The following CDK17 variants were observed in gnomAD, a reference collection of about 807,000 sequenced individuals.
The protein encoded by CDK17 is cyclin dependent kinase 17.
A neutral mutation model predicts 77.6 loss-of-function variants in CDK17; 24 were observed. That is an observed-to-expected ratio of 0.31 (90% CI 0.22 to 0.44). The LOEUF is 0.44. Ranked by LOEUF, CDK17 falls within the 20% of genes least tolerant of loss-of-function variation. The pLI is 1.00. For missense variants in CDK17, 429 were observed against 622.5 expected (o/e 0.69, Z 3.31); for synonymous variants, 203 against 210.4 (o/e 0.96, Z 0.30).
At chr12:96,295,423 T>TAAA (rs35300996) in intron 9 of CDK17, 59 of 158,458 alleles carry the variant, frequency 3.7e-4, no homozygotes, top group African/African-American at 9.0e-4. Context: ...GAAAATGACT[T>TAAA]AAAAAAAAAA....
intron 2 of CDK17, among the ~76,000 whole-genome samples, chr12:96,329,993 T>C (rs1453085227): frequency 6.6e-6 from 1 of 152,212 alleles, no homozygotes; most frequent in Non-Finnish European, 1.5e-5. Context: ...GTTAGGTTTA[T>C]CTGACTACAC....
intron 10 of CDK17, among the ~76,000 whole-genome samples, chr12:96,291,231 G>T (rs1361745174): frequency 6.6e-6 from 1 of 151,884 alleles, no homozygotes; most frequent in Non-Finnish European, 1.5e-5. Context: ...GGCTTGCATT[G>T]TAGAGGTTGG....
intron 8 of CDK17, 131 bp downstream of exon 8, chr12:96,297,496 T>TG: frequency 1.3e-6 from 1 of 773,752 alleles, no homozygotes; most frequent in East Asian, 2.5e-5. Context: ...TAAAGTCTCT[T>TG]GGGCTGTTAA....
chr12:96,300,677 G>A (rs1228897096), intron 5 of CDK17, among the ~76,000 whole-genome samples: 6 of 152,180 alleles, frequency 3.9e-5, no homozygotes, highest in African/African-American at 9.6e-5. Context: ...GATTACAGGC[G>A]TAAGCCACCG....
intron 5 of CDK17, among the ~76,000 whole-genome samples, chr12:96,300,945 CTAAGATACCACAGGCATTT>C (rs1952491120): frequency 6.6e-6 from 1 of 152,092 alleles, no homozygotes; most frequent in South Asian, 2.1e-4. Flanking sequence ...TGGTTTTATT[CTAAGATACCACAGGCATTT>C]TAAGATACTA....
chr12:96,336,100 G>T (rs983350061), intron 1 of CDK17, among the ~76,000 whole-genome samples: 1 of 151,384 alleles, frequency 6.6e-6, no homozygotes, highest in Non-Finnish European at 1.5e-5. Flanking sequence ...CTTAAAAGCT[G>T]GGGGGGGAGG....
At chr12:96,286,632 C>CA (rs764087664) in intron 12 of CDK17, 32 bp downstream of exon 12, 1 of 1,512,342 alleles carries the variant, frequency 6.6e-7, no homozygotes, top group Non-Finnish European at 9.2e-7. Flanking sequence ...ATTATGGGTG[C>CA]AAAATCACTG....
chr12:96,322,160 C>T (rs1436925205), intron 3 of CDK17, among the ~76,000 whole-genome samples: 3 of 152,078 alleles, frequency 2.0e-5, no homozygotes, highest in Non-Finnish European at 4.4e-5. Context: ...TCAAGACAAA[C>T]GTGAAACAAT....
At chr12:96,309,433 A>G (rs1952619058) in intron 5 of CDK17, among the ~76,000 whole-genome samples, 1 of 152,254 alleles carries the variant, frequency 6.6e-6, no homozygotes, top group Non-Finnish European at 1.5e-5. Flanking sequence ...ACAGGACTAT[A>G]GTCATCCAAA....
At chr12:96,300,701 A>G (rs1952487848) in intron 5 of CDK17, among the ~76,000 whole-genome samples, 1 of 152,174 alleles carries the variant, frequency 6.6e-6, no homozygotes. Flanking sequence ...CCAGCCTTGT[A>G]TATATTCTTA....
intron 1 of CDK17, among the ~76,000 whole-genome samples, chr12:96,368,974 T>A (rs1953645044): frequency 6.6e-6 from 1 of 152,132 alleles, no homozygotes; most frequent in South Asian, 2.1e-4. Context: ...ATTATTCCAA[T>A]TTTACTACAA....
rs375471037 is a variant in CDK17, at chr12:96,382,980, A to C, written c.-30+17006T>G. 1.6e-4 allele frequency among the ~76,000 whole-genome samples: 24 copies of C among 152,308 alleles called. 1 individual carries two copies. The East Asian group carries it at 2.3e-3, about 15-fold the overall frequency. On this transcript the variant is annotated intron_variant, in intron 1 of 16. Transcript: ENST00000261211. ...GAATAGAGAAAGAAGACATCAAATTATCTCTCTGCAGATACAATTATGTAT... is the reference window on the plus strand; with the variant it reads ...GAATAGAGAAAGAAGACATCAAATTCTCTCTCTGCAGATACAATTATGTAT...
At chr12:96,383,162 T>C (rs989945327) in intron 1 of CDK17, among the ~76,000 whole-genome samples, 3 of 152,086 alleles carry the variant, frequency 2.0e-5, no homozygotes, top group African/African-American at 7.2e-5. Flanking sequence ...TTATTTACAA[T>C]AGCCCCCCAA....
chr12:96,324,639 C>A (rs1286914780), intron 2 of CDK17, among the ~76,000 whole-genome samples: 1 of 151,970 alleles, frequency 6.6e-6, no homozygotes, highest in Non-Finnish European at 1.5e-5. Flanking sequence ...TGGTGGCATG[C>A]GCCTGTAGTC....
chr12:96,391,606 A>G (rs1954070169), intron 1 of CDK17, among the ~76,000 whole-genome samples: 1 of 152,174 alleles, frequency 6.6e-6, no homozygotes, highest in East Asian at 1.9e-4. Context: ...TTTTCGGTTA[A>G]ACCAAATTTT....
At chr12:96,301,161 C>G (rs1952494692) in intron 5 of CDK17, among the ~76,000 whole-genome samples, 1 of 146,696 alleles carries the variant, frequency 6.8e-6, no homozygotes, top group Non-Finnish European at 1.5e-5. Flanking sequence ...AAATCATGCT[C>G]TTCTATGGAT....
chr12:96,283,692 TAA>T (rs1341338190), intron 13 of CDK17, 47 bp from the exon 14 acceptor site: 8 of 1,270,804 alleles, frequency 6.3e-6, no homozygotes, highest in Non-Finnish European at 9.0e-6. Context: ...TCTTAGCTGA[TAA>T]AACTTTTCAG....
chr12:96,302,425 T>C (rs1472583673), intron 5 of CDK17, among the ~76,000 whole-genome samples: 2 of 152,138 alleles, frequency 1.3e-5, no homozygotes, highest in Non-Finnish European at 2.9e-5. Context: ...TTCTGATACT[T>C]ATCTCTGGAA....
chr12:96,353,702 G>A (rs1046994234), intron 1 of CDK17, among the ~76,000 whole-genome samples: 1 of 151,796 alleles, frequency 6.6e-6, no homozygotes, highest in African/African-American at 2.4e-5. Flanking sequence ...AAATCACACT[G>A]TGAGATTTGC....
Sources: allele counts gnomAD v4.1 joint callset (sites outside exome capture counted in the v4.1 genomes callset), GRCh38; gene constraint gnomAD v4.1.1; transcripts MANE v1.5; gene names NCBI Gene and HGNC (gene_info 2026-07-23, HGNC 2026-07-21).